CSMD2: variants seen among roughly 807,000 people sequenced by gnomAD.
The protein encoded by CSMD2 is CUB and sushi domain-containing protein 2.
CSMD2 carries 130 observed loss-of-function variants against 398.5 expected under a neutral mutation model. The ratio of observed to expected loss-of-function variants is 0.33; its 90% CI spans 0.28 to 0.38. The LOEUF (loss-of-function observed/expected upper bound fraction) is 0.38. Ranked by LOEUF, CSMD2 falls within the 10% of genes least tolerant of loss-of-function variation. CSMD2 has a pLI of 1.00. For missense variants in CSMD2, 3,829 were observed against 4,764.9 expected, an observed-to-expected ratio of 0.80 and a Z score of 5.78; for synonymous variants, 1,828 against 1,908.5, an observed-to-expected ratio of 0.96 and a Z score of 1.10.
chr1:33,719,334 G>A (rs918095609), intron 19 of CSMD2, among the ~76,000 whole-genome samples: 3 of 152,186 alleles, frequency 2.0e-5, no homozygotes, highest in Admixed American at 6.5e-5. Context: ...TAAGCATCGC[G>A]CTTTGCACTC....
intron 67 of CSMD2, among the ~76,000 whole-genome samples, chr1:33,522,215 G>A (rs1232842805): frequency 6.6e-6 from 1 of 152,148 alleles, no homozygotes; most frequent in African/African-American, 2.4e-5. Context: ...CCATGGCTAG[G>A]AGCAGCCTCT....
intron 5 of CSMD2, chr1:33,861,368 G>C (rs1210194555): frequency 6.6e-6 from 1 of 152,204 alleles, no homozygotes; most frequent in East Asian, 1.9e-4. Context: ...TCGAGGTATA[G>C]TGGCAGAGCT....
chr1:33,728,183 T>TC (rs1646601930), intron 15 of CSMD2, among the ~76,000 whole-genome samples: 1 of 152,174 alleles, frequency 6.6e-6, no homozygotes, highest in South Asian at 2.1e-4. Flanking sequence ...TCCTTTGTAC[T>TC]CCCTTACTAT....
intron 3 of CSMD2, among the ~76,000 whole-genome samples, chr1:33,941,639 A>C (rs551353092): frequency 6.6e-6 from 1 of 152,322 alleles, no homozygotes; most frequent in Admixed American, 6.5e-5. Flanking sequence ...GCACTTCTGC[A>C]TCATATATTA....
chr1:33,520,043 G>A lies in CSMD2; in HGVS notation c.10598-93C>T, dbSNP rs1423271655. 5.5e-6 allele frequency: 8 copies of A among 1,466,220 alleles called. No individual in the cohort carries two copies. In the African/African-American group the frequency reaches 1.1e-4, roughly 20 times the overall value. The allele number at this position is 1,466,220 out of a possible 1,614,324, so 90.8% of individuals were successfully genotyped here. ...CCGACTATACACTCTTGGGAAGCAG[G>A]GCTGCCACTCAGGGTGCTCCTCACT... On this transcript the variant is annotated intron_variant, in intron 68 of 70. Transcript: ENST00000373381.
At chr1:34,083,380 G>A (rs1657493404) in intron 2 of CSMD2, among the ~76,000 whole-genome samples, 1 of 152,060 alleles carries the variant, frequency 6.6e-6, no homozygotes, top group Admixed American at 6.5e-5. Context: ...CCCTTATTTT[G>A]TTCATTGTTG....
At chr1:33,968,274 T>C (rs1645633095) in intron 3 of CSMD2, among the ~76,000 whole-genome samples, 1 of 152,216 alleles carries the variant, frequency 6.6e-6, no homozygotes, top group South Asian at 2.1e-4. Flanking sequence ...CGCTAACCTC[T>C]TGCTGTCCAT....
At chr1:33,885,942 G>A (rs1223131385) in intron 5 of CSMD2, among the ~76,000 whole-genome samples, 69 of 152,000 alleles carry the variant, frequency 4.5e-4, no homozygotes, top group Admixed American at 4.5e-3. Flanking sequence ...GTGTCAAAGG[G>A]GAATGAAAAT....
chr1:34,024,999 A>T (rs1308525375), intron 3 of CSMD2, among the ~76,000 whole-genome samples: 1 of 152,168 alleles, frequency 6.6e-6, no homozygotes, highest in Non-Finnish European at 1.5e-5. Context: ...TTCCAATTCC[A>T]TCTCTGGACC....
intron 5 of CSMD2, among the ~76,000 whole-genome samples, chr1:33,848,997 A>G (rs1217767299): frequency 1.3e-5 from 2 of 152,180 alleles, no homozygotes; most frequent in Non-Finnish European, 2.9e-5. Context: ...ATTAATGATC[A>G]AGATTGCAGC....
At chr1:34,160,188 C>G (rs905583634) in intron 1 of CSMD2, among the ~76,000 whole-genome samples, 34 of 152,234 alleles carry the variant, frequency 2.2e-4, no homozygotes, top group African/African-American at 8.2e-4. Context: ...TTTGGTCCTC[C>G]AGTCCCTGGT....
intron 3 of CSMD2, among the ~76,000 whole-genome samples, chr1:34,027,274 G>A (rs905343855): frequency 6.6e-6 from 1 of 152,150 alleles, no homozygotes; most frequent in Admixed American, 6.5e-5. Flanking sequence ...AGTGATGACA[G>A]GTGCTTCACC....
chr1:33,755,399 T>A, intron 13 of CSMD2, among the ~76,000 whole-genome samples: 1 of 152,202 alleles, frequency 6.6e-6, no homozygotes, highest in East Asian at 1.9e-4. Context: ...GTCACCTGCA[T>A]CAGGGCAAAG....
chr1:33,556,924 C>CTG (rs1417603597), intron 55 of CSMD2, among the ~76,000 whole-genome samples: 1 of 152,160 alleles, frequency 6.6e-6, no homozygotes, highest in Non-Finnish European at 1.5e-5. Flanking sequence ...CTCCCCAGCC[C>CTG]TGTGAAACTG....
At position 33,541,319 on chromosome 1, in the gene CSMD2, G is replaced by A. The variant is rs1211593569; in HGVS notation, c.9278-10C>T. 1.2e-5 allele frequency: 19 copies of A among 1,612,060 alleles called. No homozygotes were observed. Among genetic ancestry groups the A allele is most frequent in the Non-Finnish European group, 1.6e-5 (19 of 1,178,296 alleles). Reference sequence around the variant, plus strand: ...TCACCACAGTTTATGACTAGGATAAGAGAGATATAGCATTGTTCACTCCTG... The same window carrying A: ...TCACCACAGTTTATGACTAGGATAAAAGAGATATAGCATTGTTCACTCCTG... On this transcript the variant is annotated splice_polypyrimidine_tract_variant and intron_variant, in intron 58 of 70. Transcript: ENST00000373381.
chr1:33,914,122 A>G (rs949481982), intron 5 of CSMD2, among the ~76,000 whole-genome samples: 1 of 152,118 alleles, frequency 6.6e-6, no homozygotes, highest in East Asian at 1.9e-4. Context: ...TTTTCTTAGA[A>G]CGTGATGGAA....
chr1:33,602,912 T>C (rs1339192091), intron 42 of CSMD2, among the ~76,000 whole-genome samples: 1 of 152,228 alleles, frequency 6.6e-6, no homozygotes, highest in East Asian at 1.9e-4. Flanking sequence ...GTGCTTTTGC[T>C]GGGAAGAGCT....
At chr1:33,799,245 C>A (rs367613868) in intron 10 of CSMD2, among the ~76,000 whole-genome samples, 6 of 152,184 alleles carry the variant, frequency 3.9e-5, no homozygotes, top group Non-Finnish European at 8.8e-5. Flanking sequence ...GCAACAGAGA[C>A]CTTACATGGA....
intron 2 of CSMD2, among the ~76,000 whole-genome samples, chr1:34,074,767 G>A (rs112109692): frequency 0.012 from 1,795 of 152,260 alleles, 30 homozygotes; most frequent in African/African-American, 0.04. Flanking sequence ...ACCACAAAGG[G>A]TGAATGCATG....
Sources: allele counts gnomAD v4.1 joint callset (sites outside exome capture counted in the v4.1 genomes callset), GRCh38; gene constraint gnomAD v4.1.1; transcripts MANE v1.5; gene names NCBI Gene and HGNC (gene_info 2026-07-23, HGNC 2026-07-21).